Variants in LRRC37A2 observed in about 807,000 individuals in gnomAD.
LRRC37A2 encodes leucine-rich repeat-containing protein 37A2.
In LRRC37A2, 9 loss-of-function variants were observed where a neutral mutation model predicts 68.8. The observed-to-expected ratio is 0.13, with a 90% CI of 0.08 to 0.23. The LOEUF is 0.23. Among genes scored for constraint, LRRC37A2 ranks in the 10% least tolerant of loss-of-function variants. The probability of loss-of-function intolerance (pLI) is 1.00; values close to 1 mark genes in which losing one functional copy is unlikely to be tolerated. For missense variants in LRRC37A2, 168 were observed against 950.4 expected (o/e 0.18, Z 10.82); for synonymous variants, 63 against 367.6 (o/e 0.17, Z 9.48).
At chr17:46,939,482 T>A in the LRRC37A2 span, 1 of 986,698 alleles carries the variant, frequency 1.0e-6, no homozygotes, top group Non-Finnish European at 1.2e-6. Flanking sequence ...TAGTTGTTAA[T>A]AGAGTGGTTG....
the LRRC37A2 span, chr17:46,923,036 G>A: frequency 1.2e-5 from 8 of 662,528 alleles, no homozygotes; most frequent in East Asian, 2.2e-4. Context: ...CCCCTTCTCC[G>A]ATCTCGCAAC....
At chr17:46,784,987 C>T in the LRRC37A2 span, among the ~76,000 whole-genome samples, 355 of 152,216 alleles carry the variant, frequency 2.3e-3, 1 homozygote, top group African/African-American at 7.5e-3. Flanking sequence ...CTGTGTTAGC[C>T]AGGATGGTCT....
chr17:46,707,735 A>G, the LRRC37A2 span, among the ~76,000 whole-genome samples: 4 of 152,104 alleles, frequency 2.6e-5, no homozygotes, highest in African/African-American at 9.7e-5. Context: ...AGGCTGGATA[A>G]TACTCCATTA....
At chr17:46,860,887 C>G in the LRRC37A2 span, among the ~76,000 whole-genome samples, 1 of 152,068 alleles carries the variant, frequency 6.6e-6, no homozygotes, top group Non-Finnish European at 1.5e-5. Flanking sequence ...GAGATAGGTT[C>G]CTGCTCTGTC....
At chr17:46,726,464 A>G in the LRRC37A2 span, 7 of 1,200,908 alleles carry the variant, frequency 5.8e-6, no homozygotes, top group South Asian at 8.5e-5. Flanking sequence ...TTTGTTTAGT[A>G]TTGCTCAAGA....
chr17:46,852,908 G>T, the LRRC37A2 span, among the ~76,000 whole-genome samples: 1 of 152,108 alleles, frequency 6.6e-6, no homozygotes, highest in African/African-American at 2.4e-5. Flanking sequence ...ATGACCCCTG[G>T]TGGAAACATG....
At chr17:46,827,955 A>T in the LRRC37A2 span, among the ~76,000 whole-genome samples, 1 of 151,484 alleles carries the variant, frequency 6.6e-6, no homozygotes, top group Non-Finnish European at 1.5e-5. Context: ...GACTACAGGC[A>T]CCCACCACCA....
At chr17:46,854,551 AC>A in the LRRC37A2 span, among the ~76,000 whole-genome samples, 1 of 152,058 alleles carries the variant, frequency 6.6e-6, no homozygotes, top group African/African-American at 2.4e-5. Flanking sequence ...CAACCCCCAA[AC>A]CCCAAACCAC....
chr17:46,883,931 C>T, the LRRC37A2 span, among the ~76,000 whole-genome samples: 2 of 152,214 alleles, frequency 1.3e-5, no homozygotes, highest in Non-Finnish European at 2.9e-5. Flanking sequence ...TCCTCCCTGG[C>T]TCTCTTGGGC....
At chr17:46,982,183 C>T in the LRRC37A2 span, among the ~76,000 whole-genome samples, 1 of 152,218 alleles carries the variant, frequency 6.6e-6, no homozygotes, top group Admixed American at 6.5e-5. Context: ...GGGAGTCCAG[C>T]AGGTGTCTGG....
the LRRC37A2 span, among the ~76,000 whole-genome samples, chr17:46,950,452 C>G: frequency 2.0e-5 from 3 of 152,184 alleles, no homozygotes; most frequent in South Asian, 2.1e-4. Flanking sequence ...GAGCCAAAAG[C>G]CCATACTACA....
the LRRC37A2 span, among the ~76,000 whole-genome samples, chr17:46,487,828 TAAA>T: frequency 1.1e-5 from 1 of 90,732 alleles, no homozygotes; most frequent in Non-Finnish European, 2.4e-5. Flanking sequence ...TCCCAGTTCT[TAAA>T]GAAGTGTGTG....
chr17:46,793,204 G>A, the LRRC37A2 span, among the ~76,000 whole-genome samples: 1 of 144,042 alleles, frequency 6.9e-6, no homozygotes, highest in African/African-American at 2.5e-5. Flanking sequence ...AGCCCAGGAG[G>A]TCAAGGCTGC....
At chr17:46,894,834 C>A in the LRRC37A2 span, among the ~76,000 whole-genome samples, 12 of 152,256 alleles carry the variant, frequency 7.9e-5, no homozygotes, top group Admixed American at 6.5e-4. Context: ...ACTTCTCCCC[C>A]CTCCACTCTG....
At chr17:46,809,530 G>A in the LRRC37A2 span, among the ~76,000 whole-genome samples, 6 of 152,218 alleles carry the variant, frequency 3.9e-5, no homozygotes, top group African/African-American at 1.4e-4. Context: ...TGGAGGGAAT[G>A]GCTTGTGCCT....
chr17:46,913,356 G>C, the LRRC37A2 span, among the ~76,000 whole-genome samples: 3 of 152,234 alleles, frequency 2.0e-5, no homozygotes, highest in African/African-American at 7.2e-5. Flanking sequence ...CCACCCTCGG[G>C]CTAGTGAATG....
the LRRC37A2 span, among the ~76,000 whole-genome samples, chr17:46,943,290 C>A: frequency 2.0e-5 from 3 of 152,180 alleles, no homozygotes; most frequent in African/African-American, 7.2e-5. Flanking sequence ...CATTAACTGA[C>A]ACCTCTCTGC....
the LRRC37A2 span, chr17:47,028,149 T>A: frequency 1.4e-6 from 1 of 700,532 alleles, no homozygotes; most frequent in South Asian, 1.7e-5. Context: ...TCTTCCACAG[T>A]GAGATTTCCT....
the LRRC37A2 span, among the ~76,000 whole-genome samples, chr17:46,853,446 A>T: frequency 1.6e-4 from 22 of 135,842 alleles, no homozygotes; most frequent in African/African-American, 6.2e-4. Context: ...ATCTTGGGTC[A>T]CTGCAACCTC....
Sources: allele counts gnomAD v4.1 joint callset (sites outside exome capture counted in the v4.1 genomes callset), GRCh38; gene constraint gnomAD v4.1.1; transcripts MANE v1.5; gene names NCBI Gene and HGNC (gene_info 2026-07-23, HGNC 2026-07-21).